CAMKMT: variants seen among roughly 807,000 people sequenced by gnomAD.
CAMKMT encodes the protein CaM KMT.
Under a neutral mutation model 48.0 loss-of-function variants are expected in CAMKMT, and 53 were observed. The ratio of observed to expected loss-of-function variants is 1.10; its 90% CI spans 0.89 to 1.39. The LOEUF is 1.39. Among genes scored for constraint, CAMKMT ranks in the 40% most tolerant of loss-of-function variants. The pLI is 0.00. For synonymous variants in CAMKMT, 165 were observed against 152.3 expected (o/e 1.08, Z -0.61); for missense variants, 428 against 402.7 (o/e 1.06, Z -0.54).
chr2:44,605,484 A>G (rs1316601742), intron 3 of CAMKMT, among the ~76,000 whole-genome samples: 1 of 152,138 alleles, frequency 6.6e-6, no homozygotes, highest in Non-Finnish European at 1.5e-5. Flanking sequence ...ACCCATATAC[A>G]CGTTCATATA....
chr2:44,392,368 C>A (rs559591563), intron 3 of CAMKMT, among the ~76,000 whole-genome samples: 1 of 152,048 alleles, frequency 6.6e-6, no homozygotes, highest in African/African-American at 2.4e-5. Context: ...ATAGATGTTT[C>A]ATTTAATGAT....
chr2:44,740,016 T>C (rs559872401), intron 7 of CAMKMT, among the ~76,000 whole-genome samples: 1 of 151,904 alleles, frequency 6.6e-6, no homozygotes, highest in Non-Finnish European at 1.5e-5. Context: ...GGAGTATAGA[T>C]AGTTCATCTA....
At chr2:44,486,183 C>T (rs1296821150) in intron 3 of CAMKMT, among the ~76,000 whole-genome samples, 2 of 152,026 alleles carry the variant, frequency 1.3e-5, no homozygotes, top group East Asian at 3.9e-4. Context: ...GCCAGGCTGG[C>T]CTTGAACTCC....
chr2:44,718,016 G>A (rs1197559034), intron 7 of CAMKMT, among the ~76,000 whole-genome samples: 1 of 151,994 alleles, frequency 6.6e-6, no homozygotes, highest in African/African-American at 2.4e-5. Flanking sequence ...TTATTTTGAG[G>A]GCCCACTTAG....
At chr2:44,673,441 A>G (rs570572388) in intron 3 of CAMKMT, among the ~76,000 whole-genome samples, 58 of 147,170 alleles carry the variant, frequency 3.9e-4, no homozygotes, top group African/African-American at 8.4e-4. Flanking sequence ...AAAAAAAAAA[A>G]AGAGAGAGAG....
chr2:44,541,503 A>G (rs569824435), intron 3 of CAMKMT, among the ~76,000 whole-genome samples: 12 of 152,308 alleles, frequency 7.9e-5, no homozygotes, highest in South Asian at 2.1e-4. Flanking sequence ...TTTGAAGGCT[A>G]TCAGTTTCTG....
intron 3 of CAMKMT, among the ~76,000 whole-genome samples, chr2:44,644,335 C>T (rs1195576445): frequency 6.6e-6 from 1 of 152,172 alleles, no homozygotes; most frequent in Non-Finnish European, 1.5e-5. Context: ...AAAATGGACC[C>T]TTCAAGAAGT....
At chr2:44,520,206 G>A (rs894292122) in intron 3 of CAMKMT, among the ~76,000 whole-genome samples, 6 of 151,950 alleles carry the variant, frequency 3.9e-5, no homozygotes, top group South Asian at 2.1e-4. Flanking sequence ...GCGACAGAGC[G>A]AGACTCTGTC....
At chr2:44,501,696 G>C (rs766868683) in intron 3 of CAMKMT, among the ~76,000 whole-genome samples, 1 of 152,114 alleles carries the variant, frequency 6.6e-6, no homozygotes, top group African/African-American at 2.4e-5. Context: ...GGTGCAGTTC[G>C]AATGTTTGAA....
chr2:44,384,446 T>C (rs1680566309), intron 2 of CAMKMT, among the ~76,000 whole-genome samples: 5 of 151,998 alleles, frequency 3.3e-5, no homozygotes, highest in African/African-American at 1.2e-4. Context: ...CTCTGCTGAC[T>C]GTTCCTTTTG....
chr2:44,426,453 C>CA (rs1466285643), intron 3 of CAMKMT, among the ~76,000 whole-genome samples: 2 of 152,306 alleles, frequency 1.3e-5, no homozygotes, highest in South Asian at 4.1e-4. Context: ...AGATTCTGCT[C>CA]AAAGACTCCT....
intron 3 of CAMKMT, among the ~76,000 whole-genome samples, chr2:44,495,979 G>T (rs1016383496): frequency 1.3e-5 from 2 of 152,166 alleles, no homozygotes; most frequent in African/African-American, 4.8e-5. Flanking sequence ...TCAAAGTAAA[G>T]AACAGTGAAT....
intron 3 of CAMKMT, among the ~76,000 whole-genome samples, chr2:44,624,033 T>G (rs1254054670): frequency 6.6e-6 from 1 of 152,144 alleles, no homozygotes; most frequent in African/African-American, 2.4e-5. Context: ...ACCACAGATT[T>G]GTTCATCCAT....
intron 3 of CAMKMT, among the ~76,000 whole-genome samples, chr2:44,421,557 CAT>C (rs1261311281): frequency 1.3e-5 from 2 of 152,016 alleles, no homozygotes; most frequent in Non-Finnish European, 2.9e-5. Flanking sequence ...ATAATTGAAA[CAT>C]AGATCAAGGA....
intron 3 of CAMKMT, among the ~76,000 whole-genome samples, chr2:44,594,810 G>A (rs1312048681): frequency 2.0e-5 from 3 of 152,188 alleles, no homozygotes; most frequent in Non-Finnish European, 2.9e-5. Flanking sequence ...AAATTGACAA[G>A]TGGGATCTAA....
chr2:44,487,145 T>C (rs1261848649), intron 3 of CAMKMT, among the ~76,000 whole-genome samples: 2 of 152,226 alleles, frequency 1.3e-5, no homozygotes, highest in African/African-American at 2.4e-5. Context: ...AAAAAGTTTA[T>C]GTTAAAGTAG....
At chr2:44,454,559 T>A (rs761450534) in intron 3 of CAMKMT, among the ~76,000 whole-genome samples, 1 of 152,176 alleles carries the variant, frequency 6.6e-6, no homozygotes, top group Non-Finnish European at 1.5e-5. Flanking sequence ...CCCAAGGCAC[T>A]GGGAACTTAA....
At chr2:44,424,940 A>G (rs916533066) in intron 3 of CAMKMT, among the ~76,000 whole-genome samples, 1 of 152,200 alleles carries the variant, frequency 6.6e-6, no homozygotes, top group Non-Finnish European at 1.5e-5. Context: ...AAGAACACAG[A>G]GTGGAATGGG....
intron 3 of CAMKMT, among the ~76,000 whole-genome samples, chr2:44,611,127 C>A (rs993614168): frequency 1.3e-5 from 2 of 151,990 alleles, no homozygotes; most frequent in Admixed American, 6.6e-5. Flanking sequence ...TAGGCTGAGT[C>A]CATTTAAAGA....
Sources: allele counts gnomAD v4.1 joint callset (sites outside exome capture counted in the v4.1 genomes callset), GRCh38; gene constraint gnomAD v4.1.1; transcripts MANE v1.5; gene names NCBI Gene and HGNC (gene_info 2026-07-23, HGNC 2026-07-21).